HS6ST3: variants seen among roughly 807,000 people sequenced by gnomAD.
HS6ST3 encodes the protein heparan sulfate 6-O-sulfotransferase 3.
In HS6ST3, 12 loss-of-function variants were observed where a neutral mutation model predicts 36.7. The observed-to-expected ratio is 0.33, with a 90% CI of 0.21 to 0.53. The LOEUF (loss-of-function observed/expected upper bound fraction) is 0.53, where lower values mean the gene tolerates loss of function less well. Among genes scored for constraint, HS6ST3 ranks in the 20% least tolerant of loss-of-function variants. The probability of loss-of-function intolerance (pLI) is 0.95; values close to 1 mark genes in which losing one functional copy is unlikely to be tolerated. For synonymous variants in HS6ST3, 240 were observed against 257.5 expected (o/e 0.93, Z 0.65); for missense variants, 584 against 640.9 (o/e 0.91, Z 0.96).
rs536046506 is a variant in HS6ST3, at chr13:96,663,731, T to C, written c.708-168759T>C. 7.7e-4 allele frequency among the ~76,000 whole-genome samples: 117 copies of C among 152,286 alleles called. 1 individual carries two copies. The highest frequency in any genetic ancestry group is 3.4e-3 in the Middle Eastern group (1 of 294). ...CACAGCAGTATTATTAATCTAATAGTCCAATTCAAACGTCCATCAATTTTA... is the reference window on the plus strand; with the variant it reads ...CACAGCAGTATTATTAATCTAATAGCCCAATTCAAACGTCCATCAATTTTA... On this transcript the variant is annotated intron_variant, in intron 1 of 1. Transcript: ENST00000376705.
At chr13:96,216,371 C>T (rs2054425657) in intron 1 of HS6ST3, among the ~76,000 whole-genome samples, 1 of 152,156 alleles carries the variant, frequency 6.6e-6, no homozygotes, top group Admixed American at 6.5e-5. Flanking sequence ...ATTCACTGAG[C>T]CGTTGCCTCA....
intron 1 of HS6ST3, among the ~76,000 whole-genome samples, chr13:96,339,408 G>A (rs2055118949): frequency 6.6e-6 from 1 of 152,138 alleles, no homozygotes; most frequent in Non-Finnish European, 1.5e-5. Context: ...GAGTTATCAG[G>A]ATCTCTCATA....
rs149039307 is a variant in HS6ST3 at position 96,580,640 on chromosome 13, C to G, written c.708-251850C>G. ...ATTTTTTTGATTAAGCAAATATTGA[C>G]TTTAGAACCTCTCTTTAAATCATGT... On this transcript the variant is annotated intron_variant, in intron 1 of 1. Coordinates refer to ENST00000376705, the MANE Select transcript of HS6ST3 (RefSeq NM_153456.4). Among the ~76,000 whole-genome samples the G allele has an allele frequency of 2.8e-3, 425 of 152,188 alleles. 14 individuals carry two copies. In the East Asian group the frequency reaches 0.066, roughly 24 times the overall value.
At chr13:96,711,427 A>G (rs1182048566) in intron 1 of HS6ST3, among the ~76,000 whole-genome samples, 1 of 152,252 alleles carries the variant, frequency 6.6e-6, no homozygotes, top group Non-Finnish European at 1.5e-5. Context: ...ATAAGAAGGA[A>G]TAAGTAACAT....
intron 1 of HS6ST3, among the ~76,000 whole-genome samples, chr13:96,423,346 C>A (rs189097206): frequency 6.6e-6 from 1 of 152,064 alleles, no homozygotes; most frequent in Admixed American, 6.6e-5. Flanking sequence ...AAAAAAGTTT[C>A]TTTCCTTGGT....
Position 96,366,314 on chromosome 13 carries a change from A to G in HS6ST3, c.707+274745A>G, listed in dbSNP as rs933170067. Among the ~76,000 whole-genome samples, 13 of 152,072 alleles carry G rather than the reference A, an allele frequency of 8.5e-5. No individual in the cohort carries two copies. In the East Asian group the frequency reaches 1.7e-3, roughly 20 times the overall value. On this transcript the variant is annotated intron_variant, in intron 1 of 1. Transcript: ENST00000376705. ...AACATGGTGAAACCCTGTCTCTACT[A>G]ATGCAAAAATTAGCTGAGCGTGATG... is the stretch of plus-strand genomic sequence containing the variant.
rs1297109030 is a variant in HS6ST3 at position 96,484,460 on chromosome 13, C to A, written c.708-348030C>A. 2.6e-5 allele frequency among the ~76,000 whole-genome samples: 4 copies of A among 152,118 alleles called. No individual in the cohort carries two copies. The South Asian group carries it at 8.3e-4, about 31-fold the overall frequency. ...AGTACATTAGATCACCAGAATTTAT[C>A]CATCATGCATAACTGAAACTTTGTA... On this transcript the variant is annotated intron_variant, in intron 1 of 1. Coordinates refer to ENST00000376705, the MANE Select transcript of HS6ST3 (RefSeq NM_153456.4).
intron 1 of HS6ST3, among the ~76,000 whole-genome samples, chr13:96,739,257 G>A (rs1876374463): frequency 6.6e-6 from 1 of 151,186 alleles, no homozygotes; most frequent in Non-Finnish European, 1.5e-5. Context: ...GTGTGTGTGT[G>A]TGTGTGTGTG....
chr13:96,510,051 T>C (rs1407612051), intron 1 of HS6ST3, among the ~76,000 whole-genome samples: 1 of 152,220 alleles, frequency 6.6e-6, no homozygotes, highest in East Asian at 1.9e-4. Flanking sequence ...CGTGTAGAGA[T>C]CTTTCACCTC....
At chr13:96,787,227 C>G in intron 1 of HS6ST3, among the ~76,000 whole-genome samples, 1 of 152,088 alleles carries the variant, frequency 6.6e-6, no homozygotes. Context: ...TTTCATTTCT[C>G]TGGGGTAAAT....
intron 1 of HS6ST3, among the ~76,000 whole-genome samples, chr13:96,505,141 G>A (rs551954789): frequency 6.6e-6 from 1 of 152,264 alleles, no homozygotes; most frequent in South Asian, 2.1e-4. Flanking sequence ...CTTTAGTGTG[G>A]AACAAATTTA....
intron 1 of HS6ST3, among the ~76,000 whole-genome samples, chr13:96,137,893 T>G (rs1331782852): frequency 6.6e-6 from 1 of 152,206 alleles, no homozygotes; most frequent in Non-Finnish European, 1.5e-5. Flanking sequence ...TGTCATGTTT[T>G]TACATCATTG....
At chr13:96,796,614 G>C (rs1390857384) in intron 1 of HS6ST3, among the ~76,000 whole-genome samples, 1 of 152,032 alleles carries the variant, frequency 6.6e-6, no homozygotes, top group Admixed American at 6.6e-5. Flanking sequence ...ATAATTATGA[G>C]ACCTTGAACA....
At chr13:96,128,163 T>C (rs2053960381) in intron 1 of HS6ST3, among the ~76,000 whole-genome samples, 1 of 152,184 alleles carries the variant, frequency 6.6e-6, no homozygotes, top group Admixed American at 6.5e-5. Flanking sequence ...CCCTTATCTG[T>C]TTTCTCCAGT....
intron 1 of HS6ST3, among the ~76,000 whole-genome samples, chr13:96,548,657 C>T (rs143534326): frequency 6.6e-6 from 1 of 152,152 alleles, no homozygotes. Flanking sequence ...AAAGAATTGG[C>T]TTGTGTCCAA....
chr13:96,465,449 T>C (rs536610489), intron 1 of HS6ST3, among the ~76,000 whole-genome samples: 10 of 152,284 alleles, frequency 6.6e-5, no homozygotes, highest in Admixed American at 1.3e-4. Context: ...GGATAAATCA[T>C]GCACAGGCAC....
chr13:96,247,213 C>A (rs1413238662), intron 1 of HS6ST3, among the ~76,000 whole-genome samples: 1 of 151,982 alleles, frequency 6.6e-6, no homozygotes, highest in Non-Finnish European at 1.5e-5. Context: ...TCCTTGGACC[C>A]TTTCCTCTTG....
rs67334904 is a variant in HS6ST3 at position 96,489,375 on chromosome 13, A to AACACAC, written c.708-343091_708-343086dup. ...GCAGGAATATTTTTCTGTATATACA[A>AACACAC]ACACACACACACACACACACACACA... On this transcript the variant is annotated intron_variant, in intron 1 of 1. Coordinates refer to ENST00000376705, the MANE Select transcript of HS6ST3 (RefSeq NM_153456.4). Among the ~76,000 whole-genome samples the AACACAC allele has an allele frequency of 3.8e-3, 560 of 148,086 alleles. 5 individuals are homozygous for AACACAC. Among genetic ancestry groups the AACACAC allele is most frequent in the African/African-American group, 0.012 (472 of 40,316 alleles).
chr13:96,700,874 C>A (rs1473878234), intron 1 of HS6ST3, among the ~76,000 whole-genome samples: 4 of 152,142 alleles, frequency 2.6e-5, no homozygotes, highest in Non-Finnish European at 5.9e-5. Context: ...TGGATTTAAT[C>A]CTTAGGCTGG....
Sources: gnomAD v4.1 joint callset for allele counts (sites outside exome capture counted in the v4.1 genomes callset) on GRCh38, gnomAD v4.1.1 for gene constraint, MANE v1.5 for transcripts, NCBI Gene and HGNC (gene_info 2026-07-23, HGNC 2026-07-21) for gene names.